Variants in B4GALT5 observed in about 807,000 individuals in gnomAD.
B4GALT5 encodes beta-1,4-galactosyltransferase 5.
B4GALT5 carries 11 observed loss-of-function variants against 45.0 expected under a neutral mutation model. That is an observed-to-expected ratio of 0.24 (90% CI 0.15 to 0.40). B4GALT5 has a LOEUF of 0.40. Among genes scored for constraint, B4GALT5 ranks in the 10% least tolerant of loss-of-function variants. The pLI is 1.00. For synonymous variants in B4GALT5, 185 were observed against 182.9 expected, an observed-to-expected ratio of 1.01 and a Z score of -0.09; for missense variants, 337 against 500.2, an observed-to-expected ratio of 0.67 and a Z score of 3.11.
intron 1 of B4GALT5, among the ~76,000 whole-genome samples, chr20:49,699,775 C>T (rs2085854037): frequency 1.3e-5 from 2 of 152,176 alleles, no homozygotes. Flanking sequence ...TTGTGGACCT[C>T]AACATCCTTA....
chr20:49,709,602 T>C (rs1022535201), intron 1 of B4GALT5, among the ~76,000 whole-genome samples: 1 of 152,026 alleles, frequency 6.6e-6, no homozygotes, highest in Non-Finnish European at 1.5e-5. Flanking sequence ...TAAAACCCCA[T>C]CTCTACTAAA....
intron 3 of B4GALT5, among the ~76,000 whole-genome samples, chr20:49,644,236 T>G (rs1357898967): frequency 6.6e-6 from 1 of 151,912 alleles, no homozygotes; most frequent in Non-Finnish European, 1.5e-5. Context: ...CTTCTTTTTT[T>G]TTTGTTTTGT....
chr20:49,640,102 G>T (rs578124753), intron 6 of B4GALT5, among the ~76,000 whole-genome samples: 1 of 151,846 alleles, frequency 6.6e-6, no homozygotes, highest in Non-Finnish European at 1.5e-5. Context: ...ACTGTCCCCC[G>T]CAAAGCCTTG....
rs768971378 is a variant in B4GALT5, at chr20:49,636,452, G to A, written c.1027C>T (p.Leu343=). ...GEVQFLGRYA[L]LRKSKERQGL... is the part of the protein sequence containing the mutation. Reference sequence around the variant, plus strand: ...TGCCGTTCTTTTGACTTCCTCAGCAGAGCATACCTGTTTAGGGAGGGAACA... The same window carrying A: ...TGCCGTTCTTTTGACTTCCTCAGCAAAGCATACCTGTTTAGGGAGGGAACA... The change falls in exon 9 of 9, where the codon CTG becomes TTG. Residue 343 remains leucine, a synonymous_variant. Transcript: ENST00000371711. 39 of 1,614,000 alleles carry A rather than the reference G, an allele frequency of 2.4e-5. No homozygotes were observed. The highest frequency in any genetic ancestry group is 3.3e-5 in the Admixed American group (2 of 60,000).
chr20:49,659,938 C>T (rs868654350), intron 1 of B4GALT5, among the ~76,000 whole-genome samples: 16 of 151,962 alleles, frequency 1.1e-4, no homozygotes, highest in South Asian at 4.2e-4. Context: ...TGCCACCATG[C>T]CTGGCTAATT....
intron 1 of B4GALT5, among the ~76,000 whole-genome samples, chr20:49,659,983 T>C (rs1372652539): frequency 1.3e-5 from 2 of 152,102 alleles, no homozygotes; most frequent in African/African-American, 2.4e-5. Context: ...TTTCAGCATG[T>C]TGGCCAGGCT....
At chr20:49,687,225 T>C (rs368218983) in intron 1 of B4GALT5, among the ~76,000 whole-genome samples, 2 of 152,188 alleles carry the variant, frequency 1.3e-5, no homozygotes, top group South Asian at 2.1e-4. Context: ...AGTGCCAAGG[T>C]TGAGAAACTC....
At chr20:49,670,922 T>C (rs1238960053) in intron 1 of B4GALT5, among the ~76,000 whole-genome samples, 1 of 152,194 alleles carries the variant, frequency 6.6e-6, no homozygotes, top group East Asian at 1.9e-4. Flanking sequence ...ATAACAAATG[T>C]GTTCAATACT....
In B4GALT5 at chr20:49,635,330, C is replaced by G. The variant is rs948428427; in HGVS notation, c.*982G>C. On this transcript the variant is annotated 3_prime_UTR_variant, in exon 9 of 9. Coordinates refer to ENST00000371711, the MANE Select transcript of B4GALT5 (RefSeq NM_004776.4). ...CGAGCCCCGAAGGGCCTGCTTTAGG[C>G]AGGAAGCAGCCTGCTCTAACAGCAG... is the stretch of plus-strand genomic sequence containing the variant. 6.7e-6 allele frequency: 1 copy of G among 148,788 alleles called. No homozygotes were observed. The highest frequency in any genetic ancestry group is 1.5e-5 in the Non-Finnish European group (1 of 67,364). 9.2% of individuals were successfully genotyped at this position (148,788 alleles called of 1,614,324 possible).
At chr20:49,711,939 T>C (rs2085914109) in intron 1 of B4GALT5, among the ~76,000 whole-genome samples, 1 of 152,182 alleles carries the variant, frequency 6.6e-6, no homozygotes, top group Non-Finnish European at 1.5e-5. Context: ...ATTGCTACAA[T>C]CCTAAAAGGC....
intron 1 of B4GALT5, among the ~76,000 whole-genome samples, chr20:49,694,950 C>T (rs571229438): frequency 2.0e-5 from 3 of 152,266 alleles, no homozygotes; most frequent in African/African-American, 7.2e-5. Context: ...GAGAACCCTC[C>T]TTCTACCACT....
intron 3 of B4GALT5, among the ~76,000 whole-genome samples, chr20:49,645,188 C>T (rs1208653672): frequency 6.6e-6 from 1 of 152,054 alleles, no homozygotes; most frequent in African/African-American, 2.4e-5. Context: ...GCCTGGGCAA[C>T]ATAGTGAGAC....
intron 6 of B4GALT5, among the ~76,000 whole-genome samples, chr20:49,640,274 C>T (rs2085571124): frequency 1.3e-5 from 2 of 152,160 alleles, no homozygotes; most frequent in Admixed American, 1.3e-4. Flanking sequence ...GTAATGTTTT[C>T]GAAGTTCATC....
At chr20:49,648,070 CTT>C (rs1205442099) in intron 2 of B4GALT5, among the ~76,000 whole-genome samples, 3 of 152,090 alleles carry the variant, frequency 2.0e-5, no homozygotes, top group Non-Finnish European at 2.9e-5. Flanking sequence ...TTGAAGAGCT[CTT>C]GTTTCCTGAA....
chr20:49,680,363 T>A (rs1487618996), intron 1 of B4GALT5, among the ~76,000 whole-genome samples: 3 of 152,064 alleles, frequency 2.0e-5, no homozygotes, highest in Non-Finnish European at 2.9e-5. Context: ...TTTTAAAAAA[T>A]AATAATAATA....
In B4GALT5 at chr20:49,634,210, C is replaced by CA. The variant is rs1184252073; in HGVS notation, c.*2101dup. On this transcript the variant is annotated 3_prime_UTR_variant, in exon 9 of 9. Transcript: ENST00000371711. ...ACAAAAACACAAACAAACAAACAAA[C>CA]AAAACAAGGCCTGGCCAATCACTCC... The CA allele has an allele frequency of 2.0e-5, 3 of 152,130 alleles. No individual in the cohort carries two copies. The highest frequency in any genetic ancestry group is 2.9e-5 in the Non-Finnish European group (2 of 67,960). 9.4% of individuals were successfully genotyped at this position (152,130 alleles called of 1,614,324 possible).
At position 49,708,058 on chromosome 20, in the gene B4GALT5, AC is replaced by A. The variant is rs963248816; in HGVS notation, c.115+5517del. Among the ~76,000 whole-genome samples, 12 of 131,072 alleles carry A rather than the reference AC, an allele frequency of 9.2e-5. No individual in the cohort carries two copies. In the Admixed American group the frequency reaches 9.6e-4, roughly 11 times the overall value. 86.0% of individuals were successfully genotyped at this position (131,072 alleles called of 152,430 possible). Reference sequence around the variant, plus strand: ...CAGCCTGCCTGGCCAACATGGTAAAACCCCGTCTCTACTAAAAATACAAAAA... The same window carrying A: ...CAGCCTGCCTGGCCAACATGGTAAAACCCGTCTCTACTAAAAATACAAAAA... On this transcript the variant is annotated intron_variant, in intron 1 of 8. Coordinates refer to ENST00000371711, the MANE Select transcript of B4GALT5 (RefSeq NM_004776.4).
chr20:49,696,523 C>T (rs1257392862), intron 1 of B4GALT5, among the ~76,000 whole-genome samples: 6 of 152,088 alleles, frequency 3.9e-5, no homozygotes, highest in Admixed American at 2.6e-4. Context: ...CAGGATGTTT[C>T]GTTATAGTGG....
intron 1 of B4GALT5, 137 bp downstream of exon 1, chr20:49,713,439 G>A (rs914756078): frequency 2.9e-5 from 23 of 789,314 alleles, no homozygotes; most frequent in African/African-American, 3.8e-5. Context: ...CCCGAGAGCC[G>A]GGCCAGGACT....
Sources: gnomAD v4.1 joint callset for allele counts (sites outside exome capture counted in the v4.1 genomes callset) on GRCh38, gnomAD v4.1.1 for gene constraint, MANE v1.5 for transcripts, NCBI Gene and HGNC (gene_info 2026-07-23, HGNC 2026-07-21) for gene names.